The following RARB variants were observed in gnomAD, a reference collection of about 807,000 sequenced individuals.
RARB encodes HBV-activated protein.
In RARB, 17 loss-of-function variants were observed where a neutral mutation model predicts 51.9. The ratio of observed to expected loss-of-function variants is 0.33; its 90% CI spans 0.22 to 0.49. The LOEUF is 0.49. Among genes scored for constraint, RARB ranks in the 20% least tolerant of loss-of-function variants. The pLI is 0.99. For synonymous variants in RARB, 215 were observed against 195.4 expected, an observed-to-expected ratio of 1.10 and a Z score of -0.84; for missense variants, 369 against 550.8, an observed-to-expected ratio of 0.67 and a Z score of 3.30.
Position 24,990,724 on chromosome 3 carries a change from C to T in RARB, c.-379-69401C>T, listed in dbSNP as rs1481015949. ...TCTTTGGCTTGTATAGTCCTGCCTC[C>T]TCATTATTACTCTTCTTCAAATTTT... On this transcript the variant is annotated intron_variant, in intron 2 of 11. Transcript: ENST00000383772. Among the ~76,000 whole-genome samples the T allele has an allele frequency of 4.8e-5, 2 of 41,780 alleles. 1 individual carries two copies. Among genetic ancestry groups the T allele is most frequent in the East Asian group, 1.8e-3 (2 of 1,106 alleles). 27.4% of individuals were successfully genotyped at this position (41,780 alleles called of 152,430 possible).
chr3:25,491,493 G>A (rs999725230), intron 2 of RARB, among the ~76,000 whole-genome samples: 1 of 152,114 alleles, frequency 6.6e-6, no homozygotes. Context: ...CAGAAGAGAA[G>A]AGAGACTATC....
At position 25,597,311 on chromosome 3, in the gene RARB, T is replaced by TAAC. The variant is rs1159376193; in HGVS notation, c.*696_*698dup. 2 of 152,598 alleles carry TAAC rather than the reference T, an allele frequency of 1.3e-5. No individual in the cohort carries two copies. Among genetic ancestry groups the TAAC allele is most frequent in the African/African-American group, 4.8e-5 (2 of 41,456 alleles). The allele number at this position is 152,598 out of a possible 1,614,324, so 9.5% of individuals were successfully genotyped here. On this transcript the variant is annotated 3_prime_UTR_variant, in exon 8 of 8. Coordinates refer to ENST00000330688, the MANE Select transcript of RARB (RefSeq NM_000965.5). The stretch of plus-strand genomic sequence containing the variant: ...AGCAGAAGAGAATTCTGTATCAGTG[T>TAAC]AACTGCCAGTTCAGTTAATCAAATG...
chr3:25,152,999 A>T (rs780053759), intron 4 of RARB, among the ~76,000 whole-genome samples: 1 of 152,232 alleles, frequency 6.6e-6, no homozygotes, highest in Non-Finnish European at 1.5e-5. Flanking sequence ...AAGGAAAAAA[A>T]GGAACAAACT....
intron 5 of RARB, among the ~76,000 whole-genome samples, chr3:25,331,408 C>G (rs571053285): frequency 1.3e-5 from 2 of 152,192 alleles, no homozygotes; most frequent in African/African-American, 4.8e-5. Context: ...AACTGAACAA[C>G]CTGCTCCTGA....
intron 5 of RARB, among the ~76,000 whole-genome samples, chr3:25,295,139 G>A (rs1703887044): frequency 6.6e-6 from 1 of 152,190 alleles, no homozygotes; most frequent in African/African-American, 2.4e-5. Context: ...AAGAGCAAGA[G>A]CTCTTAAGTA....
chr3:24,973,260 C>T (rs554240222), intron 2 of RARB, among the ~76,000 whole-genome samples: 1 of 152,098 alleles, frequency 6.6e-6, no homozygotes, highest in South Asian at 2.1e-4. Context: ...GTACTTGGCA[C>T]TTTTGTCAAA....
Position 25,466,095 on chromosome 3 carries a change from GT to G in RARB, c.306+4759del, listed in dbSNP as rs1695417760. 2.6e-5 allele frequency among the ~76,000 whole-genome samples: 4 copies of G among 152,194 alleles called. 1 individual carries two copies. The South Asian group carries it at 8.3e-4, about 31-fold the overall frequency. ...CATGGTATTGTTGTGAGGATAAAAT[GT>G]TTTTACTATGTATAAAGCATATAGA... On this transcript the variant is annotated intron_variant, in intron 2 of 7. Coordinates refer to ENST00000330688, the MANE Select transcript of RARB (RefSeq NM_000965.5).
intron 7 of RARB, 139 bp from the exon 8 acceptor site, chr3:25,596,281 C>A: frequency 3.1e-6 from 2 of 641,878 alleles, no homozygotes; most frequent in East Asian, 2.7e-5. Context: ...CAAAAAGCCA[C>A]CTGATATCTA....
Position 25,077,146 on chromosome 3 carries a change from A to T in RARB, c.-328+16970A>T, listed in dbSNP as rs7429279. ...ATATTGATAATTAATGGGCTCCTCAAATAGCATGTTTTCCTGTTTTCCTAA... is the reference window on the plus strand; with the variant it reads ...ATATTGATAATTAATGGGCTCCTCATATAGCATGTTTTCCTGTTTTCCTAA... On this transcript the variant is annotated intron_variant, in intron 3 of 11. Transcript: ENST00000383772. Among the ~76,000 whole-genome samples, 3 of 152,076 alleles carry T rather than the reference A, an allele frequency of 2.0e-5. No homozygotes were observed. The South Asian group carries it at 6.2e-4, about 32-fold the overall frequency.
At chr3:25,439,416 A>T (rs1303623513) in intron 1 of RARB, among the ~76,000 whole-genome samples, 1 of 151,866 alleles carries the variant, frequency 6.6e-6, no homozygotes, top group Non-Finnish European at 1.5e-5. Flanking sequence ...CTTATTTTTT[A>T]TTTTTTTGAG....
chr3:25,405,949 G>T (rs1406281669), intron 5 of RARB, among the ~76,000 whole-genome samples: 1 of 71,124 alleles, frequency 1.4e-5, no homozygotes, highest in African/African-American at 6.0e-5. Context: ...CAAGGGCACT[G>T]TTGACACATG....
intron 5 of RARB, among the ~76,000 whole-genome samples, chr3:25,422,219 TTAA>T (rs1707881764): frequency 6.6e-6 from 1 of 152,232 alleles, no homozygotes; most frequent in Admixed American, 6.5e-5. Context: ...TTATCCTTTA[TTAA>T]TAATATTAAC....
chr3:25,311,849 G>C (rs1293081467), intron 5 of RARB, among the ~76,000 whole-genome samples: 1 of 152,146 alleles, frequency 6.6e-6, no homozygotes, highest in African/African-American at 2.4e-5. Flanking sequence ...ATGACAGTGG[G>C]GGATGTGGAT....
intron 1 of RARB, among the ~76,000 whole-genome samples, chr3:25,437,117 CT>C (rs35238900): frequency 0.18 from 25,670 of 139,410 alleles, 2,278 homozygotes; most frequent in East Asian, 0.31. Flanking sequence ...TAAAAGCAAA[CT>C]TTTTTTTTTT....
chr3:25,120,527 A>AATCTC, intron 3 of RARB, among the ~76,000 whole-genome samples: 1 of 136,166 alleles, frequency 7.3e-6, no homozygotes, highest in East Asian at 2.2e-4. Flanking sequence ...ATATATAAAA[A>AATCTC]TCTCTCTCTC....
chr3:25,001,953 T>A (rs756202878), intron 2 of RARB, among the ~76,000 whole-genome samples: 152 of 152,234 alleles, frequency 1.0e-3, no homozygotes, highest in Middle Eastern at 3.4e-3. Flanking sequence ...AATTTTTTTA[T>A]AGATACAGGG....
intron 2 of RARB, among the ~76,000 whole-genome samples, chr3:24,996,983 A>C (rs929111797): frequency 3.3e-5 from 5 of 152,164 alleles, no homozygotes; most frequent in Non-Finnish European, 5.9e-5. Context: ...TTTGGTCTAT[A>C]ATATAGTTTA....
intron 2 of RARB, among the ~76,000 whole-genome samples, chr3:25,471,511 CTT>C (rs535985916): frequency 0.017 from 2,128 of 124,068 alleles, 53 homozygotes; most frequent in African/African-American, 0.057. Context: ...AAAAATCTGT[CTT>C]TTTTTTTTTT....
At chr3:24,951,603 C>A (rs2125406022) in intron 2 of RARB, among the ~76,000 whole-genome samples, 1 of 152,256 alleles carries the variant, frequency 6.6e-6, no homozygotes. Flanking sequence ...ACTAGGCATC[C>A]ATTGTGAGGC....
Sources: allele counts gnomAD v4.1 joint callset (sites outside exome capture counted in the v4.1 genomes callset), GRCh38; gene constraint gnomAD v4.1.1; transcripts MANE v1.5; gene names NCBI Gene and HGNC (gene_info 2026-07-23, HGNC 2026-07-21).